GCC1: variants seen among roughly 807,000 people sequenced by gnomAD.
GCC1 encodes the protein GRIP and coiled-coil domain-containing protein 1.
A neutral mutation model predicts 62.5 loss-of-function variants in GCC1; 36 were observed. The observed-to-expected ratio is 0.58, with a 90% confidence interval of 0.44 to 0.76. The LOEUF (loss-of-function observed/expected upper bound fraction) is 0.76, where lower values mean the gene tolerates loss of function less well. Among genes scored for constraint, GCC1 ranks in the 30% least tolerant of loss-of-function variants. The pLI is 0.00. For missense variants in GCC1, 885 were observed against 948.3 expected (o/e 0.93, Z 0.88); for synonymous variants, 391 against 386.8 (o/e 1.01, Z -0.13).
At chr7:127,583,415 G>C (rs1307266047) in intron 1 of GCC1, 106 bp from the exon 2 acceptor site, 4 of 841,298 alleles carry the variant, frequency 4.8e-6, no homozygotes, top group Non-Finnish European at 7.4e-6. Flanking sequence ...GGATGGCCTG[G>C]CAAGAATGCT....
chr7:127,585,405 G>T lies in GCC1; in HGVS notation c.-223C>A. On this transcript the variant is annotated 5_prime_UTR_variant, in exon 1 of 2. Transcript: ENST00000321407. The stretch of plus-strand genomic sequence containing the variant: ...GAGGGCTGGGGCGGATTCTACCCCG[G>T]AGGCGGGGCGACACTGGCACCAGAG... 2 of 558,240 alleles carry T rather than the reference G, an allele frequency of 3.6e-6. No individual in the cohort carries two copies. The highest frequency in any genetic ancestry group is 2.3e-5 in the South Asian group (1 of 43,262). 34.6% of individuals were successfully genotyped at this position (558,240 alleles called of 1,614,324 possible). A position where few individuals can be genotyped will look rare whatever the true frequency, so the allele number is the denominator to read the frequency against.
In GCC1 at chr7:127,584,432, G is replaced by C. The variant is rs1794174968; in HGVS notation, c.751C>G (p.Gln251Glu). The C allele has an allele frequency of 6.2e-7, 1 of 1,613,918 alleles. No homozygotes were observed. Among genetic ancestry groups the C allele is most frequent in the East Asian group, 2.2e-5 (1 of 44,874 alleles). ...SDHALMLREL[Q>E]KLLQEERTQR... The stretch of plus-strand genomic sequence containing the variant: ...GTCCTCTCCTCCTGCAGCAGCTTCT[G>C]GAGCTCACGCAGCATCAAGGCATGG... Residue 251 changes from glutamine (Q) to glutamate (E), a missense_variant, in exon 1 of 2, where the codon CAG becomes GAG. Transcript: ENST00000321407.
chr7:127,585,462 C>T lies in GCC1; in HGVS notation c.-280G>A. The T allele has an allele frequency of 2.2e-6, 1 of 447,026 alleles. No individual in the cohort carries two copies. Among genetic ancestry groups the T allele is most frequent in the Non-Finnish European group, 4.0e-6 (1 of 249,850 alleles). 27.7% of individuals were successfully genotyped at this position (447,026 alleles called of 1,614,324 possible). ...ACTGCCAGGGCTCGTTAGCGCTGGC[C>T]CAGAAGCCGCTCCGCACTCTCCGCT... On this transcript the variant is annotated 5_prime_UTR_variant, in exon 1 of 2. Transcript: ENST00000321407.
In GCC1 at chr7:127,585,199, T is replaced by G. The variant is rs192121415; in HGVS notation, c.-17A>C. 1.3e-6 allele frequency: 2 copies of G among 1,560,644 alleles called. No homozygotes were observed. The highest frequency in any genetic ancestry group is 1.7e-6 in the Non-Finnish European group (2 of 1,153,668). ...CTTCTCCATGGAGGGTCTGAACGGA[T>G]TGCCCCACGTCAGCTTTCCAGCAGA... On this transcript the variant is annotated 5_prime_UTR_variant, in exon 1 of 2. Coordinates refer to ENST00000321407, the MANE Select transcript of GCC1 (RefSeq NM_024523.6).
At position 127,581,935 on chromosome 7, in the gene GCC1, G is replaced by A. The variant is rs1794138633; in HGVS notation, c.*79C>T. ...TGAAGAAATAAATGACAATGTAAGA[G>A]AAGAGGCAGCAGAAACCAGAGCCTG... is the stretch of plus-strand genomic sequence containing the variant. On this transcript the variant is annotated 3_prime_UTR_variant, in exon 2 of 2. Coordinates refer to ENST00000321407, the MANE Select transcript of GCC1 (RefSeq NM_024523.6). 9.3e-7 allele frequency: 1 copy of A among 1,073,898 alleles called. No individual in the cohort carries two copies. Among genetic ancestry groups the A allele is most frequent in the Non-Finnish European group, 1.4e-6 (1 of 723,792 alleles). 66.5% of individuals were successfully genotyped at this position (1,073,898 alleles called of 1,614,324 possible).
At position 127,582,749 on chromosome 7, in the gene GCC1, A is replaced by C. The variant is rs141040379; in HGVS notation, c.1593T>G (p.Tyr531Ter). Residue 531 changes from tyrosine (Y) to a stop codon, truncating the protein, a stop_gained, in exon 2 of 2, where the codon TAT (tyrosine) becomes TAG (stop). Coordinates refer to ENST00000321407, the MANE Select transcript of GCC1 (RefSeq NM_024523.6). LOFTEE classifies it high-confidence loss of function. This position sits in a 1 kb window ranked among gnomAD's most constrained non-coding sequence, Gnocchi z 4.8. Reference sequence around the variant, plus strand: ...CCTCGCAGGAGAGCCGCAGGGAAATATACTTCTCCTTCAGCTCTGCAAGCT... The same window carrying C: ...CCTCGCAGGAGAGCCGCAGGGAAATCTACTTCTCCTTCAGCTCTGCAAGCT... Reference protein sequence around the residue: ...QEQLAELKEKYISLRLSCEEL... With the variant: ...QEQLAELKEK 1 of 1,613,894 alleles carries C rather than the reference A, an allele frequency of 6.2e-7. No homozygotes were observed. The highest frequency in any genetic ancestry group is 1.3e-5 in the African/African-American group (1 of 74,872).
chr7:127,582,552 G>T lies in GCC1; in HGVS notation c.1790C>A (p.Thr597Asn). The change falls in exon 2 of 2, where the codon ACC becomes AAC. Residue 597 changes from threonine to asparagine, a missense_variant. Coordinates refer to ENST00000321407, the MANE Select transcript of GCC1 (RefSeq NM_024523.6). The surrounding 1 kb of genome is among the most constrained non-coding windows in gnomAD (Gnocchi z 4.8). Reference protein sequence around the residue: ...KQRDRALAVLTEKDLELEQLR... With the variant: ...KQRDRALAVLNEKDLELEQLR... ...TTGCTCCAGTTCCAAGTCCTTCTCG[G>T]TGAGCACAGCTAGGGCACGATCCCG... 1 of 1,611,384 alleles carries T rather than the reference G, an allele frequency of 6.2e-7. No homozygotes were observed. The highest frequency in any genetic ancestry group is 1.1e-5 in the South Asian group (1 of 91,080).
Position 127,583,351 on chromosome 7 carries a change from C to T in GCC1, c.1033-42G>A, listed in dbSNP as rs562132775. ...CAGACAAAAATGCATCCACAAAAGC[C>T]CCACAGCAAACTCTGAGAAAGCAGG... On this transcript the variant is annotated intron_variant, in intron 1 of 1. Coordinates refer to ENST00000321407, the MANE Select transcript of GCC1 (RefSeq NM_024523.6). The T allele has an allele frequency of 4.7e-6, 7 of 1,478,922 alleles. No homozygotes were observed. In the South Asian group the frequency reaches 6.3e-5, roughly 13 times the overall value. 91.6% of individuals were successfully genotyped at this position (1,478,922 alleles called of 1,614,324 possible).
At position 127,584,614 on chromosome 7, in the gene GCC1, T is replaced by A. The variant is rs1261077638; in HGVS notation, c.569A>T (p.Lys190Met). 2 of 1,614,070 alleles carry A rather than the reference T, an allele frequency of 1.2e-6. No homozygotes were observed. Among genetic ancestry groups the A allele is most frequent in the Non-Finnish European group, 1.7e-6 (2 of 1,180,030 alleles). The change falls in exon 1 of 2, where the codon AAG becomes ATG. Residue 190 changes from lysine (K) to methionine (M), a missense_variant. Coordinates refer to ENST00000321407, the MANE Select transcript of GCC1 (RefSeq NM_024523.6). The stretch of plus-strand genomic sequence containing the variant: ...CTCTAAGTCCTGTTTCATCTTTTTC[T>A]TGTCAGCCAAGTAAGAAGCCTCCAT... ...SRMEASYLADKKKMKQDLEDA... is the reference protein window; with the variant it reads ...SRMEASYLADMKKMKQDLEDA...
Position 127,585,329 on chromosome 7 carries a change from T to A in GCC1, c.-147A>T, listed in dbSNP as rs551302686. 1.3e-6 allele frequency: 1 copy of A among 762,628 alleles called. No individual in the cohort carries two copies. The highest frequency in any genetic ancestry group is 1.8e-5 in the African/African-American group (1 of 56,952). The allele number at this position is 762,628 out of a possible 1,614,324, so 47.2% of individuals were successfully genotyped here. A position where few individuals can be genotyped will look rare whatever the true frequency, so the allele number is the denominator to read the frequency against. ...CTCCACCTAGTTATCCCGGACCTAA[T>A]GCGGAACGGCCGGACGGACTGGCGA... On this transcript the variant is annotated 5_prime_UTR_variant, in exon 1 of 2. Coordinates refer to ENST00000321407, the MANE Select transcript of GCC1 (RefSeq NM_024523.6).
Position 127,585,253 on chromosome 7 carries a change from G to A in GCC1, c.-71C>T, listed in dbSNP as rs1346909635. On this transcript the variant is annotated 5_prime_UTR_variant, in exon 1 of 2. Coordinates refer to ENST00000321407, the MANE Select transcript of GCC1 (RefSeq NM_024523.6). Reference sequence around the variant, plus strand: ...GGAGAGGGCCGTGAAGACGCAGGCGGGGGCTTAAAGAAACAGCGAGCGGGC... The same window carrying A: ...GGAGAGGGCCGTGAAGACGCAGGCGAGGGCTTAAAGAAACAGCGAGCGGGC... The A allele has an allele frequency of 2.1e-6, 3 of 1,426,766 alleles. No homozygotes were observed. Among genetic ancestry groups the A allele is most frequent in the South Asian group, 1.4e-5 (1 of 73,376 alleles). 88.4% of individuals were successfully genotyped at this position (1,426,766 alleles called of 1,614,324 possible). A position where few individuals can be genotyped will look rare whatever the true frequency, so the allele number is the denominator to read the frequency against.
Position 127,582,378 on chromosome 7 carries a change from A to T in GCC1, c.1964T>A (p.Leu655Gln). 1 of 1,614,216 alleles carries T rather than the reference A, an allele frequency of 6.2e-7. No individual in the cohort carries two copies. The highest frequency in any genetic ancestry group is 8.5e-7 in the Non-Finnish European group (1 of 1,180,038). Reference protein sequence around the residue: ...LAAANEPTFFLYAEQLARKEV... With the variant: ...LAAANEPTFFQYAEQLARKEV... Reference sequence around the variant, plus strand: ...CTTGCGGGCCAGTTGCTCAGCGTACAGAAAGAAAGTGGGCTCATTGGCCGC... The same window carrying T: ...CTTGCGGGCCAGTTGCTCAGCGTACTGAAAGAAAGTGGGCTCATTGGCCGC... Residue 655 changes from leucine (L) to glutamine (Q), a missense_variant, in exon 2 of 2, where the codon CTG becomes CAG. Physicochemically the swap from Leu to Gln is moderately radical, Grantham distance 113. Coordinates refer to ENST00000321407, the MANE Select transcript of GCC1 (RefSeq NM_024523.6). This position sits in a 1 kb window ranked among gnomAD's most constrained non-coding sequence, Gnocchi z 4.8.
Position 127,582,151 on chromosome 7 carries a change from G to C in GCC1, c.2191C>G (p.Leu731Val), listed in dbSNP as rs1794142086. 1 of 1,614,068 alleles carries C rather than the reference G, an allele frequency of 6.2e-7. No individual in the cohort carries two copies. The highest frequency in any genetic ancestry group is 1.3e-5 in the African/African-American group (1 of 74,914). The change falls in exon 2 of 2, where the codon CTG becomes GTG. Residue 731 changes from leucine to valine, a missense_variant. By Grantham distance (32) the Leu-to-Val change is conservative (BLOSUM62 1). Transcript: ENST00000321407. This position sits in a 1 kb window ranked among gnomAD's most constrained non-coding sequence, Gnocchi z 4.8. ...CGGCCCAGGGAGTCAGGTAAGGTCAGGAAGCGGTAGATGATGTTTTTGAGG... is the reference window on the plus strand; with the variant it reads ...CGGCCCAGGGAGTCAGGTAAGGTCACGAAGCGGTAGATGATGTTTTTGAGG... The part of the protein sequence containing the change: ...EYLKNIIYRF[L>V]TLPDSLGRQQ...
rs1268552839 is a variant in GCC1 at position 127,580,713 on chromosome 7, T to C, written c.*1301A>G. ...GTCTGCTCACTGTAGATAATCCAGG[T>C]CACCCAGCCTCCCATTAAGATTTAA... On this transcript the variant is annotated 3_prime_UTR_variant, in exon 2 of 2. Coordinates refer to ENST00000321407, the MANE Select transcript of GCC1 (RefSeq NM_024523.6). The C allele has an allele frequency of 6.6e-6, 1 of 152,194 alleles. No individual in the cohort carries two copies. Among genetic ancestry groups the C allele is most frequent in the Non-Finnish European group, 1.5e-5 (1 of 68,044 alleles). The allele number at this position is 152,194 out of a possible 1,614,324, so 9.4% of individuals were successfully genotyped here.
Position 127,582,100 on chromosome 7 carries a change from T to C in GCC1, c.2242A>G (p.Thr748Ala), listed in dbSNP as rs756278577. Residue 748 changes from threonine to alanine, a missense_variant, in exon 2 of 2, where the codon ACT (threonine) becomes GCT (alanine). By Grantham distance (58) the Thr-to-Ala change is moderately conservative. Transcript: ENST00000321407. The surrounding 1 kb of genome is among the most constrained non-coding windows in gnomAD (Gnocchi z 4.8). ...TCCTCTGGACTGAAGTGCAAGATAG[T>C]CAGTATGGCTGTGAGAGTCTGCTGG... ...GRQQTLTAIL[T>A]ILHFSPEEKQ... 3 of 1,614,038 alleles carry C rather than the reference T, an allele frequency of 1.9e-6. No homozygotes were observed. The highest frequency in any genetic ancestry group is 1.1e-5 in the South Asian group (1 of 91,080).
In GCC1 at chr7:127,585,486, C is replaced by T. The variant is rs979624285; in HGVS notation, c.-304G>A. The T allele has an allele frequency of 8.2e-6, 3 of 367,610 alleles. No individual in the cohort carries two copies. In the Admixed American group the frequency reaches 1.3e-4, roughly 16 times the overall value. The allele number at this position is 367,610 out of a possible 1,614,324, so 22.8% of individuals were successfully genotyped here. A position where few individuals can be genotyped will look rare whatever the true frequency, so the allele number is the denominator to read the frequency against. ...CCCAGAAGCCGCTCCGCACTCTCCG[C>T]TCGTCTGGGCCACAGCAGCCCGGGC... On this transcript the variant is annotated 5_prime_UTR_variant, in exon 1 of 2. Transcript: ENST00000321407.
chr7:127,583,178 C>T lies in GCC1; in HGVS notation c.1164G>A (p.Gln388=), dbSNP rs374661379. The change falls in exon 2 of 2, where the codon CAG becomes CAA. Residue 388 remains glutamine (Q), a synonymous_variant. Transcript: ENST00000321407. ...GCTCCTTCAGCTTCTGAATGGCCAG[C>T]TGGTCCTTCTGCTTGGCTTTCTCGT... ...GTYEKAKQKD[Q]LAIQKLKERI... 9 of 1,613,932 alleles carry T rather than the reference C, an allele frequency of 5.6e-6. No individual in the cohort carries two copies. Among genetic ancestry groups the T allele is most frequent in the Middle Eastern group, 1.7e-4 (1 of 6,058 alleles).
chr7:127,583,083 C>G lies in GCC1; in HGVS notation c.1259G>C (p.Ser420Thr), dbSNP rs1794158149. Residue 420 changes from serine to threonine, a missense_variant, in exon 2 of 2, where the codon AGC (serine) becomes ACC (threonine). Coordinates refer to ENST00000321407, the MANE Select transcript of GCC1 (RefSeq NM_024523.6). ...LAASSRSPLDSHGEESSLDVN... is the reference protein window; with the variant it reads ...LAASSRSPLDTHGEESSLDVN... ...ATCCAGACTGGACTCCTCTCCATGG[C>G]TGTCTAAAGGGGACCTGCTGGAGGC... The G allele has an allele frequency of 6.2e-7, 1 of 1,614,030 alleles. No homozygotes were observed. The highest frequency in any genetic ancestry group is 1.3e-5 in the African/African-American group (1 of 74,910).
rs1369099043 is a variant in GCC1, at chr7:127,582,220, T to C, written c.2122A>G (p.Lys708Glu). 2 of 1,614,028 alleles carry C rather than the reference T, an allele frequency of 1.2e-6. No individual in the cohort carries two copies. The highest frequency in any genetic ancestry group is 1.7e-6 in the Non-Finnish European group (2 of 1,180,024). Residue 708 changes from lysine (K) to glutamate (E), a missense_variant, in exon 2 of 2, where the codon AAG becomes GAG. Coordinates refer to ENST00000321407, the MANE Select transcript of GCC1 (RefSeq NM_024523.6). This position sits in a 1 kb window ranked among gnomAD's most constrained non-coding sequence, Gnocchi z 4.8. ...TCCCTGCTCTGGTCCCTGATGTTCT[T>C]TTCGATGTGGCTCTGCAGGGCTGCA... is the stretch of plus-strand genomic sequence containing the variant. ...EVAALQSHIE[K>E]NIRDQSREGA...
Sources: gnomAD v4.1 joint callset for allele counts on GRCh38, gnomAD v4.1.1 for gene constraint, Gnocchi (gnomAD v3.1) non-coding constraint, MANE v1.5 for transcripts, NCBI Gene and HGNC (gene_info 2026-07-23, HGNC 2026-07-21) for gene names.